Variants in DTNBP1 observed in about 807,000 individuals in gnomAD.
The protein encoded by DTNBP1 is dystrobrevin binding protein 1.
Under a neutral mutation model 42.8 loss-of-function variants are expected in DTNBP1, and 35 were observed. The observed-to-expected ratio is 0.82, with a 90% CI of 0.63 to 1.09. The LOEUF is 1.09. DTNBP1 is among the 50% of genes least tolerant of loss of function. The pLI, the probability that DTNBP1 is intolerant of heterozygous loss-of-function variation, is 0.00. For synonymous variants in DTNBP1, 171 were observed against 162.2 expected (o/e 1.05, Z -0.41); for missense variants, 457 against 424.2 (o/e 1.08, Z -0.68).
At chr6:15,652,507 C>T (rs949020883) in intron 1 of DTNBP1, among the ~76,000 whole-genome samples, 1 of 151,886 alleles carries the variant, frequency 6.6e-6, no homozygotes, top group African/African-American at 2.4e-5. Context: ...CACAAATTTT[C>T]ACATGTTAAA....
rs2127797899 is a variant in DTNBP1, at chr6:15,533,287, A to G, written c.620T>C (p.Met207Thr). The G allele has an allele frequency of 6.2e-7, 1 of 1,614,132 alleles. No homozygotes were observed. ...KFFEEAFQQD[M>T]EQYLSTGYLQ... ...GTAGCCAGTGGACAGGTACTGCTCC[A>G]TGTCCTGCTGGAAGGCTTCCTCAAA... is the stretch of plus-strand genomic sequence containing the variant. The change falls in exon 8 of 10, where the codon ATG (methionine) becomes ACG (threonine). Residue 207 changes from methionine to threonine, a missense_variant. By Grantham distance (81) the Met-to-Thr change is moderately conservative. Transcript: ENST00000344537.
At chr6:15,575,843 A>AT (rs1775537838) in intron 7 of DTNBP1, among the ~76,000 whole-genome samples, 1 of 152,184 alleles carries the variant, frequency 6.6e-6, no homozygotes, top group Non-Finnish European at 1.5e-5. Flanking sequence ...GAAACAGGAA[A>AT]TAGCCCTGTG....
At chr6:15,594,322 G>T (rs970452273) in intron 6 of DTNBP1, among the ~76,000 whole-genome samples, 5 of 151,832 alleles carry the variant, frequency 3.3e-5, no homozygotes, top group Non-Finnish European at 5.9e-5. Flanking sequence ...AAAATTAGCC[G>T]GGTGTGGTGG....
chr6:15,557,508 A>G (rs1434181205), intron 7 of DTNBP1, among the ~76,000 whole-genome samples: 4 of 152,288 alleles, frequency 2.6e-5, no homozygotes, highest in Non-Finnish European at 5.9e-5. Flanking sequence ...ACAGTTTATA[A>G]AAGGTTTACA....
chr6:15,555,583 G>C (rs1208170593), intron 7 of DTNBP1, among the ~76,000 whole-genome samples: 1 of 152,172 alleles, frequency 6.6e-6, no homozygotes, highest in Non-Finnish European at 1.5e-5. Flanking sequence ...CAATGCATTA[G>C]CATGCTAAAA....
chr6:15,532,586 C>T (rs76289031), intron 8 of DTNBP1, among the ~76,000 whole-genome samples: 1,867 of 151,830 alleles, frequency 0.012, 37 homozygotes, highest in African/African-American at 0.042. Context: ...AAAGAACACA[C>T]GAAAAGCAGT....
At chr6:15,546,063 CTTTTTTTTTTT>C (rs34253215) in intron 7 of DTNBP1, 1 of 268,876 alleles carries the variant, frequency 3.7e-6, no homozygotes, top group Non-Finnish European at 6.8e-6. Context: ...ACCTCCAGTT[CTTTTTTTTTTT>C]TTTTTTTTTG....
Position 15,635,918 on chromosome 6 carries a change from C to T in DTNBP1, c.222+1826G>A, listed in dbSNP as rs200366103. On this transcript the variant is annotated intron_variant, in intron 4 of 9. Coordinates refer to ENST00000344537, the MANE Select transcript of DTNBP1 (RefSeq NM_032122.5). ...ATCTCTTGAAAGATTTTATATATAA[C>T]TATTTAACAGTCAATATTCAATAGT... Among the ~76,000 whole-genome samples the T allele has an allele frequency of 3.3e-4, 51 of 152,286 alleles. 2 individuals are homozygous for T. The East Asian group carries it at 9.5e-3, about 28-fold the overall frequency.
intron 7 of DTNBP1, among the ~76,000 whole-genome samples, chr6:15,580,831 G>C (rs1313968353): frequency 6.6e-6 from 1 of 152,072 alleles, no homozygotes; most frequent in African/African-American, 2.4e-5. Context: ...TGGCAGAAAA[G>C]GTGACTAAAA....
chr6:15,551,966 C>T (rs1360010526), intron 7 of DTNBP1, among the ~76,000 whole-genome samples: 1 of 152,304 alleles, frequency 6.6e-6, no homozygotes, highest in East Asian at 1.9e-4. Flanking sequence ...GCACACAGCT[C>T]AGGAAACAGC....
intron 3 of DTNBP1, among the ~76,000 whole-genome samples, chr6:15,648,848 T>G (rs1209533357): frequency 6.6e-6 from 1 of 152,036 alleles, no homozygotes; most frequent in African/African-American, 2.4e-5. Context: ...AAAACCCCAA[T>G]GACATTCTTT....
chr6:15,640,971 T>C (rs1302861996), intron 3 of DTNBP1, among the ~76,000 whole-genome samples: 1 of 152,188 alleles, frequency 6.6e-6, no homozygotes, highest in African/African-American at 2.4e-5. Flanking sequence ...GACCCTGTGC[T>C]CCAAACATCA....
At chr6:15,637,644 C>T in intron 4 of DTNBP1, 100 bp downstream of exon 4, 1 of 1,325,590 alleles carries the variant, frequency 7.5e-7, no homozygotes. Context: ...TCCTGCAAAA[C>T]ATTTTGACAC....
chr6:15,528,111 C>T (rs558816530), intron 8 of DTNBP1, among the ~76,000 whole-genome samples: 2 of 152,138 alleles, frequency 1.3e-5, no homozygotes, highest in African/African-American at 2.4e-5. Flanking sequence ...AGACAAGGTT[C>T]GTCAACAAAC....
intron 6 of DTNBP1, among the ~76,000 whole-genome samples, chr6:15,613,138 T>C (rs1033807413): frequency 4.8e-4 from 73 of 151,580 alleles, no homozygotes; most frequent in Admixed American, 7.9e-4. Flanking sequence ...TGAAACTCCA[T>C]CTCTACTAAA....
In DTNBP1 at chr6:15,550,810, G is replaced by C. The variant is rs532931975; in HGVS notation, c.512-17415C>G. Reference sequence around the variant, plus strand: ...GATTCTGCCCCTCCCAGGCAGGCTGGTGTTGCAGCCCACAGGGATGACGGA... The same window carrying C: ...GATTCTGCCCCTCCCAGGCAGGCTGCTGTTGCAGCCCACAGGGATGACGGA... On this transcript the variant is annotated intron_variant, in intron 7 of 9. Transcript: ENST00000344537. Among the ~76,000 whole-genome samples the C allele has an allele frequency of 5.9e-5, 9 of 152,264 alleles. No individual in the cohort carries two copies. The East Asian group carries it at 1.7e-3, about 29-fold the overall frequency.
chr6:15,600,055 T>C (rs1259609634), intron 6 of DTNBP1, among the ~76,000 whole-genome samples: 1 of 152,016 alleles, frequency 6.6e-6, no homozygotes, highest in Admixed American at 6.6e-5. Context: ...TTTTTTTTTT[T>C]AAACTCATGC....
intron 1 of DTNBP1, among the ~76,000 whole-genome samples, chr6:15,656,772 T>A (rs1213542827): frequency 2.6e-5 from 4 of 151,958 alleles, no homozygotes; most frequent in African/African-American, 9.7e-5. Context: ...AAGAAAAAGA[T>A]GTAGATAAAC....
At chr6:15,638,512 A>T (rs1000360470) in intron 3 of DTNBP1, among the ~76,000 whole-genome samples, 17 of 152,324 alleles carry the variant, frequency 1.1e-4, no homozygotes, top group African/African-American at 4.1e-4. Flanking sequence ...TTAATGGATG[A>T]TACAACTAGT....
Sources: gnomAD v4.1 joint callset for allele counts (sites outside exome capture counted in the v4.1 genomes callset) on GRCh38, gnomAD v4.1.1 for gene constraint, MANE v1.5 for transcripts, NCBI Gene and HGNC (gene_info 2026-07-23, HGNC 2026-07-21) for gene names.